The following MDN1 variants were observed in gnomAD, a reference collection of about 807,000 sequenced individuals.
MDN1 encodes midasin AAA ATPase 1, also known as midasin.
In MDN1, 266 loss-of-function variants were observed where a neutral mutation model predicts 669.2. That is an observed-to-expected ratio of 0.40 (90% CI 0.36 to 0.44). The LOEUF (loss-of-function observed/expected upper bound fraction) is 0.44. Among genes scored for constraint, MDN1 ranks in the 20% least tolerant of loss-of-function variants. MDN1 has a pLI of 1.00. For missense variants in MDN1, 5,940 were observed against 6,754.0 expected, an observed-to-expected ratio of 0.88 and a Z score of 4.22; for synonymous variants, 2,385 against 2,457.1, an observed-to-expected ratio of 0.97 and a Z score of 0.87.
chr6:89,731,825 CTCCTTTTT>C (rs1815624366), intron 34 of MDN1, among the ~76,000 whole-genome samples: 1 of 124,504 alleles, frequency 8.0e-6, no homozygotes, highest in African/African-American at 3.1e-5. Flanking sequence ...TTTCCTTTTT[CTCCTTTTT>C]TCCTTTGTTA....
intron 1 of MDN1, among the ~76,000 whole-genome samples, chr6:89,808,520 T>C (rs1220816624): frequency 1.3e-5 from 2 of 152,140 alleles, no homozygotes; most frequent in Non-Finnish European, 2.9e-5. Context: ...AAAACTCCAG[T>C]AGTTATTCTT....
At position 89,672,203 on chromosome 6, in the gene MDN1, G is replaced by A. The variant is rs368128960; in HGVS notation, c.13791C>T (p.His4597=). ...SYGEDGTAAK[H]LFFSQSCSLL... Reference sequence around the variant, plus strand: ...TTTGTAAAGAACAGTTAGTTACCAGGTGCTTTGCTGCTGTGCCATCCTCAC... The same window carrying A: ...TTTGTAAAGAACAGTTAGTTACCAGATGCTTTGCTGCTGTGCCATCCTCAC... Residue 4597 remains histidine, a synonymous_variant, in exon 82 of 102, where the codon CAC becomes CAT. Transcript: ENST00000369393. 7 of 1,577,124 alleles carry A rather than the reference G, an allele frequency of 4.4e-6. No homozygotes were observed. The highest frequency in any genetic ancestry group is 5.1e-6 in the Non-Finnish European group (6 of 1,167,874).
At chr6:89,777,853 C>T (rs1818433455) in intron 11 of MDN1, among the ~76,000 whole-genome samples, 1 of 152,084 alleles carries the variant, frequency 6.6e-6, no homozygotes, top group Non-Finnish European at 1.5e-5. Context: ...CCCTAGTACC[C>T]TGCCCACCAA....
At chr6:89,702,192 C>A in intron 53 of MDN1, 131 bp from the exon 54 acceptor site, 1 of 789,696 alleles carries the variant, frequency 1.3e-6, no homozygotes, top group Non-Finnish European at 1.9e-6. Context: ...GCTATAATTG[C>A]TAATCAATGC....
Position 89,819,555 on chromosome 6 carries a change from G to A in MDN1, c.53C>T (p.Ala18Val). The A allele has an allele frequency of 6.2e-7, 1 of 1,604,714 alleles. No individual in the cohort carries two copies. The highest frequency in any genetic ancestry group is 8.5e-7 in the Non-Finnish European group (1 of 1,179,982). ...CTCACTGCGGCTCTTCTCGTTCTTG[G>A]CTGCGATTAACCGCAGCGGCGCGGC... is the stretch of plus-strand genomic sequence containing the variant. ...VAAAPLRLIA[A>V]KNEKSRSELG... The change falls in exon 1 of 102, where the codon GCC becomes GTC. Residue 18 changes from alanine to valine, a missense_variant. This residue lies in a region of MDN1 where 1,203 missense variants were observed against 1,268.9 expected (regional missense o/e 0.95). Transcript: ENST00000369393.
At chr6:89,728,585 C>T (rs1815381134) in intron 36 of MDN1, among the ~76,000 whole-genome samples, 1 of 152,192 alleles carries the variant, frequency 6.6e-6, no homozygotes, top group African/African-American at 2.4e-5. Context: ...AATCCCAACA[C>T]TTTGGGAGGC....
intron 53 of MDN1, among the ~76,000 whole-genome samples, chr6:89,704,816 G>A (rs1031877476): frequency 4.6e-5 from 7 of 152,154 alleles, no homozygotes; most frequent in African/African-American, 9.7e-5. Context: ...TCCTGACCTC[G>A]TGATCCGCCC....
chr6:89,750,446 C>G lies in MDN1; in HGVS notation c.3314G>C (p.Cys1105Ser), dbSNP rs375475366. ...QWLAAATGNHCVRINNHEHTD... is the reference protein window; with the variant it reads ...QWLAAATGNHSVRINNHEHTD... ...GTGTTCGTGATTATTAATACGCACA[C>G]AGTGGTTGCCAGTAGCTGCAGCCAG... The change falls in exon 24 of 102, where the codon TGT becomes TCT. Residue 1105 changes from cysteine (C) to serine (S), a missense_variant. Cys to Ser is a moderately radical substitution (Grantham distance 112, BLOSUM62 -1). Transcript: ENST00000369393. 3 of 1,613,896 alleles carry G rather than the reference C, an allele frequency of 1.9e-6. No individual in the cohort carries two copies. In the African/African-American group the frequency reaches 4.0e-5, roughly 22 times the overall value.
In MDN1 at chr6:89,786,355, C is replaced by T. The variant is rs1346914683; in HGVS notation, c.1335-1229G>A. Among the ~76,000 whole-genome samples the T allele has an allele frequency of 3.9e-5, 6 of 152,054 alleles. No individual in the cohort carries two copies. The East Asian group carries it at 1.2e-3, about 29-fold the overall frequency. On this transcript the variant is annotated intron_variant, in intron 8 of 101. Coordinates refer to ENST00000369393, the MANE Select transcript of MDN1 (RefSeq NM_014611.3). ...GCCTGTCATTCCAACACTTAGGAGG[C>T]CACAGTGGGAGGACTGCTCGAGTCC...
chr6:89,753,660 C>A (rs766401445), intron 21 of MDN1, 38 bp from the exon 22 acceptor site: 10 of 1,480,066 alleles, frequency 6.8e-6, no homozygotes, highest in Admixed American at 1.7e-5. Flanking sequence ...TGCTAAATAA[C>A]CTTCTGCAAT....
In MDN1 at chr6:89,794,205, T is replaced by A. The variant is rs760491317; in HGVS notation, c.557A>T (p.Tyr186Phe). Residue 186 changes from tyrosine (Y) to phenylalanine (F), a missense_variant and splice_region_variant, in exon 4 of 102, where the codon TAT becomes TTT. By Grantham distance (22) the Tyr-to-Phe change is conservative. Transcript: ENST00000369393. ...AACCAAAGCAAGACAATTGGCTGTATACCTAGGGAAAAAGAAAGTATGTAA... is the reference window on the plus strand; with the variant it reads ...AACCAAAGCAAGACAATTGGCTGTAAACCTAGGGAAAAAGAAAGTATGTAA... Reference protein sequence around the residue: ...LRSHDTLVRWYTANCLALVTC... With the variant: ...LRSHDTLVRWFTANCLALVTC... The A allele has an allele frequency of 6.5e-7, 1 of 1,544,476 alleles. No homozygotes were observed. Among genetic ancestry groups the A allele is most frequent in the African/African-American group, 1.4e-5 (1 of 72,002 alleles).
At chr6:89,666,163 A>G (rs557017445) in intron 84 of MDN1, among the ~76,000 whole-genome samples, 1 of 152,356 alleles carries the variant, frequency 6.6e-6, no homozygotes, top group South Asian at 2.1e-4. Context: ...GAATACACCA[A>G]CATATACTTA....
rs764356358 is a variant in MDN1, at chr6:89,794,641, G to A, written c.490C>T (p.Arg164Trp). ...CACACACTCCAGTCCCAGAGCTCCC[G>A]GAACACAGACTGCTCCTGCTGCAGA... is the stretch of plus-strand genomic sequence containing the variant. ...KFLQQEQSVF[R>W]ELWDWSVCVP... The change falls in exon 3 of 102, where the codon CGG (arginine) becomes TGG (tryptophan). Residue 164 changes from arginine to tryptophan, a missense_variant. Around this residue, in one of 5 missense-constraint regions of MDN1, gnomAD observed 1,203 missense variants for 1,268.9 expected, o/e 0.95. Coordinates refer to ENST00000369393, the MANE Select transcript of MDN1 (RefSeq NM_014611.3). 1.2e-5 allele frequency: 19 copies of A among 1,613,824 alleles called. No homozygotes were observed. The highest frequency in any genetic ancestry group is 3.4e-4 in the Middle Eastern group (2 of 5,944).
intron 11 of MDN1, among the ~76,000 whole-genome samples, chr6:89,778,614 G>C (rs1349774238): frequency 6.6e-6 from 1 of 152,098 alleles, no homozygotes; most frequent in African/African-American, 2.4e-5. Flanking sequence ...ACTGGGCGCA[G>C]TGGCTCACAC....
At chr6:89,648,400 T>C in intron 97 of MDN1, 71 bp from the exon 98 acceptor site, 1 of 1,420,684 alleles carries the variant, frequency 7.0e-7, no homozygotes, top group Non-Finnish European at 9.9e-7. Context: ...AACTATTTTT[T>C]GCATCAAGAT....
intron 85 of MDN1, among the ~76,000 whole-genome samples, chr6:89,663,750 T>C (rs972514297): frequency 6.6e-6 from 1 of 151,348 alleles, no homozygotes; most frequent in African/African-American, 2.4e-5. Flanking sequence ...CTGGCTAACA[T>C]GGTGAAACCC....
Position 89,686,922 on chromosome 6 carries a change from T to C in MDN1, c.11552A>G (p.Glu3851Gly). The change falls in exon 69 of 102, where the codon GAA (glutamate) becomes GGA (glycine). Residue 3851 changes from glutamate (E) to glycine (G), a missense_variant. By Grantham distance (98) the Glu-to-Gly change is moderately conservative. This residue lies in a region of MDN1 where 2,280 missense variants were observed against 2,576.3 expected (regional missense o/e 0.88). Transcript: ENST00000369393. ...IYQMLEKHMQ[E>G]QTEEQEDDKQ... ...ATTACCTTCCTGTTCTTCTGTTTGT[T>C]CCTGCATGTGCTTCTCAAGCATCTG... The C allele has an allele frequency of 2.5e-6, 4 of 1,613,868 alleles. No individual in the cohort carries two copies. The highest frequency in any genetic ancestry group is 3.4e-6 in the Non-Finnish European group (4 of 1,179,970).
chr6:89,774,779 G>A (rs1238108972), intron 12 of MDN1, 46 bp from the exon 13 acceptor site: 2 of 1,361,538 alleles, frequency 1.5e-6, no homozygotes, highest in African/African-American at 2.9e-5. Flanking sequence ...ACATGCTTTT[G>A]GAATATTTCC....
chr6:89,787,657 T>TG (rs1562219175), intron 8 of MDN1, among the ~76,000 whole-genome samples, 197 bp downstream of exon 8: 2,146 of 149,606 alleles, frequency 0.014, 55 homozygotes, highest in African/African-American at 0.049. Flanking sequence ...TATTTTTAAG[T>TG]CGGGGGGGGG....
Sources: gnomAD v4.1 joint callset for allele counts (sites outside exome capture counted in the v4.1 genomes callset) on GRCh38, gnomAD v4.1.1 for gene constraint, gnomAD v4.1.1 regional missense constraint, MANE v1.5 for transcripts, NCBI Gene and HGNC (gene_info 2026-07-23, HGNC 2026-07-21) for gene names.